Variants in NRIP1 observed in about 807,000 individuals in gnomAD.
NRIP1 encodes nuclear receptor-interacting protein 1.
Under a neutral mutation model 75.0 loss-of-function variants are expected in NRIP1, and 28 were observed. That is an observed-to-expected ratio of 0.37 (90% CI 0.28 to 0.51). The LOEUF is 0.51. NRIP1 is among the 20% of genes least tolerant of loss of function. The pLI, the probability that NRIP1 is intolerant of heterozygous loss-of-function variation, is 0.92. For missense variants in NRIP1, 1,435 were observed against 1,343.7 expected, an observed-to-expected ratio of 1.07 and a Z score of -1.06; for synonymous variants, 526 against 487.6, an observed-to-expected ratio of 1.08 and a Z score of -1.04.
At chr21:15,002,269 T>A (rs2087865876) in intron 3 of NRIP1, 1 of 152,226 alleles carries the variant, frequency 6.6e-6, no homozygotes, top group Admixed American at 6.5e-5. Flanking sequence ...AATACTAATG[T>A]AAAATCTCTT....
rs906039243 is a variant in NRIP1, at chr21:14,962,159, T to C, written c.*2557A>G. 2.6e-5 allele frequency: 4 copies of C among 151,354 alleles called. No individual in the cohort carries two copies. Among genetic ancestry groups the C allele is most frequent in the Non-Finnish European group, 4.4e-5 (3 of 67,726 alleles). 9.4% of individuals were successfully genotyped at this position (151,354 alleles called of 1,614,324 possible). On this transcript the variant is annotated 3_prime_UTR_variant, in exon 4 of 4. Transcript: ENST00000318948. ...TAGTACCCTTTCACAAATGACTTTATTAGAAGAAATTGTCTAGATATCTAA... is the reference window on the plus strand; with the variant it reads ...TAGTACCCTTTCACAAATGACTTTACTAGAAGAAATTGTCTAGATATCTAA...
chr21:15,010,958 C>T lies in NRIP1; in HGVS notation c.-335+3386G>A, dbSNP rs561738787. 5.3e-5 allele frequency among the ~76,000 whole-genome samples: 8 copies of T among 152,264 alleles called. No homozygotes were observed. The East Asian group carries it at 5.8e-4, about 11-fold the overall frequency. On this transcript the variant is annotated intron_variant, in intron 3 of 3. Coordinates refer to ENST00000318948, the MANE Select transcript of NRIP1 (RefSeq NM_003489.4). ...CTAGTGAGAAGGCCAAATTGGTTTA[C>T]GGCAATTAATTCCAACTAGGACAAC...
At chr21:15,063,064 T>C (rs1442994690) in intron 1 of NRIP1, among the ~76,000 whole-genome samples, 1 of 152,172 alleles carries the variant, frequency 6.6e-6, no homozygotes, top group Non-Finnish European at 1.5e-5. Flanking sequence ...CTCACACTCC[T>C]AGGGCACTTT....
chr21:14,985,051 T>C (rs1414940756), intron 3 of NRIP1, among the ~76,000 whole-genome samples: 2 of 152,252 alleles, frequency 1.3e-5, no homozygotes, highest in Non-Finnish European at 2.9e-5. Context: ...GTGTCTGGAA[T>C]TGAACCTGCA....
Position 14,964,903 on chromosome 21 carries a change from T to TC in NRIP1, c.3289dup (p.Glu1097GlyfsTer24). 1 of 1,613,370 alleles carries TC rather than the reference T, an allele frequency of 6.2e-7. No individual in the cohort carries two copies. Among genetic ancestry groups the TC allele is most frequent in the Non-Finnish European group, 8.5e-7 (1 of 1,179,656 alleles). On this transcript the variant is annotated frameshift_variant, in exon 4 of 4. Transcript: ENST00000318948. LOFTEE classifies it high-confidence loss of function. Reference sequence around the variant, plus strand: ...TTTGGCTGTGACCTGTGAGACACTTTCAGCAGATGAAGCCTCCCTCCAAAT... The same window carrying TC: ...TTTGGCTGTGACCTGTGAGACACTTTCCAGCAGATGAAGCCTCCCTCCAAAT...
At chr21:15,065,497 C>T (rs766591445), upstream of NRIP1, among the ~76,000 whole-genome samples, 34 of 152,064 alleles carry the variant, frequency 2.2e-4, no homozygotes, top group Non-Finnish European at 3.7e-4. Context: ...CCAGGGTCCC[C>T]GCCTGCCTTA....
chr21:15,055,779 A>G (rs578174438), intron 1 of NRIP1, among the ~76,000 whole-genome samples: 5 of 152,320 alleles, frequency 3.3e-5, no homozygotes, highest in Admixed American at 2.6e-4. Context: ...TAGCTGAATG[A>G]CTTTCAAAAC....
rs377383230 is a variant in NRIP1, at chr21:15,064,199, G to A, written c.-538+546C>T. On this transcript the variant is annotated intron_variant, in intron 1 of 3. Coordinates refer to ENST00000318948, the MANE Select transcript of NRIP1 (RefSeq NM_003489.4). ...CTCGGGTCCGTGAGCCTCGCCATCGGGAGGGGACCGCGAGTGCGGGCAGAG... is the reference window on the plus strand; with the variant it reads ...CTCGGGTCCGTGAGCCTCGCCATCGAGAGGGGACCGCGAGTGCGGGCAGAG... 6.6e-5 allele frequency among the ~76,000 whole-genome samples: 10 copies of A among 152,260 alleles called. No individual in the cohort carries two copies. The East Asian group carries it at 9.6e-4, about 15-fold the overall frequency.
At position 14,962,107 on chromosome 21, in the gene NRIP1, T is replaced by C. The variant is rs1316939384; in HGVS notation, c.*2609A>G. On this transcript the variant is annotated 3_prime_UTR_variant, in exon 4 of 4. Transcript: ENST00000318948. ...CAGCAGAGAATAAACAGGTAATGAATGCTACCTTACTGATGTCAATAAGCT... is the reference window on the plus strand; with the variant it reads ...CAGCAGAGAATAAACAGGTAATGAACGCTACCTTACTGATGTCAATAAGCT... The C allele has an allele frequency of 6.7e-6, 1 of 149,952 alleles. No homozygotes were observed. The highest frequency in any genetic ancestry group is 2.4e-5 in the African/African-American group (1 of 41,048). 9.3% of individuals were successfully genotyped at this position (149,952 alleles called of 1,614,324 possible).
intron 2 of NRIP1, among the ~76,000 whole-genome samples, chr21:15,036,753 T>TA (rs1432576436): frequency 1.3e-5 from 2 of 152,164 alleles, no homozygotes; most frequent in African/African-American, 2.4e-5. Context: ...TAGCAATATT[T>TA]AAAAAATACT....
At chr21:14,975,412 A>T (rs1265557056) in intron 3 of NRIP1, among the ~76,000 whole-genome samples, 3 of 152,006 alleles carry the variant, frequency 2.0e-5, no homozygotes, top group African/African-American at 7.2e-5. Context: ...TTTTATTTTT[A>T]TTTTTTTACA....
Position 14,968,043 on chromosome 21 carries a change from G to T in NRIP1, c.150C>A (p.Asn50Lys). The T allele has an allele frequency of 3.7e-6, 6 of 1,614,076 alleles. No homozygotes were observed. Among genetic ancestry groups the T allele is most frequent in the Non-Finnish European group, 5.1e-6 (6 of 1,179,986 alleles). Residue 50 changes from asparagine (N) to lysine (K), a missense_variant, in exon 4 of 4, where the codon AAC becomes AAA. By Grantham distance (94) the Asn-to-Lys change is moderately conservative. Coordinates refer to ENST00000318948, the MANE Select transcript of NRIP1 (RefSeq NM_003489.4). ...KSAGHNEEDQ[N>K]FNISGSAFPT... The stretch of plus-strand genomic sequence containing the variant: ...GAAATGCACTGCCAGAAATGTTAAA[G>T]TTCTGATCCTCTTCATTATGCCCAG...
At chr21:14,982,055 G>A (rs2087251265) in intron 3 of NRIP1, among the ~76,000 whole-genome samples, 1 of 151,956 alleles carries the variant, frequency 6.6e-6, no homozygotes, top group Non-Finnish European at 1.5e-5. Flanking sequence ...TTACCATATT[G>A]CCCAGGGTGG....
Position 14,966,162 on chromosome 21 carries a change from T to G in NRIP1, c.2031A>C (p.Lys677Asn), listed in dbSNP as rs2086732151. ...CTTTATTTTCTTCAACTGCATTTGT[T>G]TTATTTGAGAGCAAAGGGCTATTTA... Reference protein sequence around the residue: ...DRLNSPLLSNKTNAVEENKAF... With the variant: ...DRLNSPLLSNNTNAVEENKAF... The change falls in exon 4 of 4, where the codon AAA becomes AAC. Residue 677 changes from lysine (K) to asparagine (N), a missense_variant. Physicochemically the swap from Lys to Asn is moderately conservative, Grantham distance 94 (BLOSUM62 0). Transcript: ENST00000318948. 6 of 1,613,454 alleles carry G rather than the reference T, an allele frequency of 3.7e-6. No homozygotes were observed. Among genetic ancestry groups the G allele is most frequent in the Non-Finnish European group, 5.1e-6 (6 of 1,179,934 alleles).
intron 3 of NRIP1, among the ~76,000 whole-genome samples, chr21:14,969,729 T>G (rs1349661751): frequency 1.3e-5 from 2 of 152,246 alleles, no homozygotes; most frequent in African/African-American, 4.8e-5. Context: ...CTGTAGCTTT[T>G]TAAGTACAAT....
intron 2 of NRIP1, among the ~76,000 whole-genome samples, chr21:15,019,100 G>A (rs2088305385): frequency 6.7e-6 from 1 of 149,114 alleles, no homozygotes; most frequent in South Asian, 2.1e-4. Context: ...CTTTTATGTG[G>A]GTTTTTAGTC....
At chr21:15,024,363 T>A (rs1262201563) in intron 2 of NRIP1, among the ~76,000 whole-genome samples, 1 of 152,074 alleles carries the variant, frequency 6.6e-6, no homozygotes, top group Non-Finnish European at 1.5e-5. Flanking sequence ...GCCAACATGG[T>A]GAAACCCCGT....
intron 3 of NRIP1, among the ~76,000 whole-genome samples, chr21:14,985,801 T>C (rs1218127718): frequency 6.6e-6 from 1 of 152,170 alleles, no homozygotes; most frequent in Non-Finnish European, 1.5e-5. Flanking sequence ...TCATCATTTT[T>C]CCTTTTCAAA....
At chr21:14,985,628 G>T (rs536404839) in intron 3 of NRIP1, among the ~76,000 whole-genome samples, 1 of 152,088 alleles carries the variant, frequency 6.6e-6, no homozygotes, top group African/African-American at 2.4e-5. Context: ...TAAAGTTTTT[G>T]TAAGATGATC....
Sources: allele counts gnomAD v4.1 joint callset (sites outside exome capture counted in the v4.1 genomes callset), GRCh38; gene constraint gnomAD v4.1.1; transcripts MANE v1.5; gene names NCBI Gene and HGNC (gene_info 2026-07-23, HGNC 2026-07-21).